MICAL3: variants seen among roughly 807,000 people sequenced by gnomAD.
MICAL3 encodes microtubule associated monooxygenase, calponin and LIM domain containing 3.
Under a neutral mutation model 207.4 loss-of-function variants are expected in MICAL3, and 62 were observed. The observed-to-expected ratio is 0.30, with a 90% CI of 0.24 to 0.37. The LOEUF is 0.37. Among genes scored for constraint, MICAL3 ranks in the 10% least tolerant of loss-of-function variants. The probability of loss-of-function intolerance (pLI) is 1.00; values close to 1 mark genes in which losing one functional copy is unlikely to be tolerated. For synonymous variants in MICAL3, 1,077 were observed against 1,069.3 expected (o/e 1.01, Z -0.14); for missense variants, 2,368 against 2,635.6 (o/e 0.90, Z 2.22).
intron 1 of MICAL3, among the ~76,000 whole-genome samples, chr22:17,938,613 T>A (rs1263534722): frequency 6.6e-6 from 1 of 152,158 alleles, no homozygotes; most frequent in Non-Finnish European, 1.5e-5. Context: ...GACAACAGAT[T>A]TGGGTGTTGA....
At chr22:17,926,728 T>G (rs1932939784) in intron 1 of MICAL3, among the ~76,000 whole-genome samples, 1 of 152,230 alleles carries the variant, frequency 6.6e-6, no homozygotes, top group South Asian at 2.1e-4. Flanking sequence ...TGCAGGCAAC[T>G]GTACCATGCT....
chr22:17,879,636 G>A (rs908103280), intron 16 of MICAL3, among the ~76,000 whole-genome samples: 11 of 152,176 alleles, frequency 7.2e-5, no homozygotes, highest in Admixed American at 2.0e-4. Context: ...CCAGCTACAC[G>A]GATCAATGAA....
chr22:17,996,615 C>T (rs1922307616), intron 1 of MICAL3, among the ~76,000 whole-genome samples: 1 of 152,134 alleles, frequency 6.6e-6, no homozygotes. Flanking sequence ...GTTCTCTCCA[C>T]CGGGGCAATC....
intron 1 of MICAL3, among the ~76,000 whole-genome samples, chr22:18,015,093 A>T (rs1386754413): frequency 6.6e-6 from 1 of 152,160 alleles, no homozygotes; most frequent in Non-Finnish European, 1.5e-5. Context: ...CAACTAAAAG[A>T]TGGCCTTGGC....
At chr22:17,915,974 A>C (rs1330963584) in intron 1 of MICAL3, among the ~76,000 whole-genome samples, 2 of 146,518 alleles carry the variant, frequency 1.4e-5, no homozygotes, top group Non-Finnish European at 3.0e-5. Flanking sequence ...CTGTCGTCCC[A>C]GCTACCCAGG....
At chr22:17,972,074 C>G (rs1354756282) in intron 1 of MICAL3, among the ~76,000 whole-genome samples, 1 of 152,198 alleles carries the variant, frequency 6.6e-6, no homozygotes, top group Non-Finnish European at 1.5e-5. Flanking sequence ...AAGCCCAGTG[C>G]GCTCCTCAAG....
intron 21 of MICAL3, among the ~76,000 whole-genome samples, chr22:17,830,562 G>T (rs922827686): frequency 1.3e-5 from 2 of 152,226 alleles, no homozygotes; most frequent in African/African-American, 4.8e-5. Context: ...AAAACACCGT[G>T]CCCTGGACCA....
intron 1 of MICAL3, among the ~76,000 whole-genome samples, chr22:17,958,958 G>A (rs181956851): frequency 2.0e-5 from 3 of 150,408 alleles, no homozygotes; most frequent in Admixed American, 6.6e-5. Flanking sequence ...TGCTCGCCTC[G>A]GCCTCGCAAA....
intron 1 of MICAL3, among the ~76,000 whole-genome samples, chr22:17,980,088 C>T (rs1935840683): frequency 6.7e-6 from 1 of 150,252 alleles, no homozygotes; most frequent in East Asian, 1.9e-4. Context: ...CTTGGCCTCC[C>T]AAAGTGCTAG....
At chr22:17,850,480 G>C (rs1215250855) in intron 19 of MICAL3, among the ~76,000 whole-genome samples, 1 of 126,506 alleles carries the variant, frequency 7.9e-6, no homozygotes, top group African/African-American at 3.0e-5. Context: ...GTGCGATCTT[G>C]GCTCACTGCA....
chr22:18,022,427 C>CA (rs1556567910), intron 1 of MICAL3, among the ~76,000 whole-genome samples: 3 of 151,682 alleles, frequency 2.0e-5, no homozygotes, highest in African/African-American at 4.9e-5. Context: ...CCTGCACCCC[C>CA]ACCCTTTTTT....
At chr22:17,889,531 C>T (rs1043524415) in intron 12 of MICAL3, among the ~76,000 whole-genome samples, 13 of 152,098 alleles carry the variant, frequency 8.5e-5, no homozygotes, top group Non-Finnish European at 1.9e-4. Flanking sequence ...AATGTGAGCT[C>T]GAGAATAGGG....
intron 1 of MICAL3, among the ~76,000 whole-genome samples, chr22:18,022,427 C>G (rs1011497122): frequency 4.0e-5 from 6 of 151,800 alleles, no homozygotes; most frequent in East Asian, 1.9e-4. Context: ...CCTGCACCCC[C>G]ACCCTTTTTT....
At chr22:17,805,800 C>T (rs1385869059) in intron 29 of MICAL3, among the ~76,000 whole-genome samples, 1 of 152,232 alleles carries the variant, frequency 6.6e-6, no homozygotes, top group Non-Finnish European at 1.5e-5. Context: ...GTGATCTCGG[C>T]TCACCGCAAC....
intron 1 of MICAL3, among the ~76,000 whole-genome samples, chr22:17,942,744 G>A (rs1304679256): frequency 6.6e-6 from 1 of 152,228 alleles, no homozygotes; most frequent in African/African-American, 2.4e-5. Context: ...TGACGCTGCT[G>A]GGCAGCACCA....
At chr22:17,802,823 A>G (rs995644083) in intron 29 of MICAL3, among the ~76,000 whole-genome samples, 3 of 152,140 alleles carry the variant, frequency 2.0e-5, no homozygotes, top group African/African-American at 4.8e-5. Flanking sequence ...TGAAGGGGGT[A>G]GACTGCCAGA....
At chr22:17,843,854 T>TTTG (rs934065494) in intron 19 of MICAL3, among the ~76,000 whole-genome samples, 1 of 150,342 alleles carries the variant, frequency 6.7e-6, no homozygotes, top group African/African-American at 2.4e-5. Context: ...TACCAGACAT[T>TTTG]TTTTTTTTTT....
chr22:17,812,496 C>G (rs530663946), intron 27 of MICAL3: 10 of 985,548 alleles, frequency 1.0e-5, no homozygotes, highest in Non-Finnish European at 1.2e-5. Context: ...CTGACAGGAA[C>G]GAGACACTAC....
At chr22:17,955,903 C>A (rs1934591277) in intron 1 of MICAL3, among the ~76,000 whole-genome samples, 1 of 152,176 alleles carries the variant, frequency 6.6e-6, no homozygotes, top group South Asian at 2.1e-4. Context: ...CATGTTTGCT[C>A]CAGCTTTCCT....
Sources: gnomAD v4.1 joint callset for allele counts (sites outside exome capture counted in the v4.1 genomes callset) on GRCh38, gnomAD v4.1.1 for gene constraint, MANE v1.5 for transcripts, NCBI Gene and HGNC (gene_info 2026-07-23, HGNC 2026-07-21) for gene names.